The following AKAP6 variants were observed in gnomAD, a reference collection of about 807,000 sequenced individuals.
The protein encoded by AKAP6 is A-kinase anchoring protein 6.
AKAP6 carries 58 observed loss-of-function variants against 188.5 expected under a neutral mutation model. The observed-to-expected ratio is 0.31, with a 90% confidence interval of 0.25 to 0.38. AKAP6 has a LOEUF of 0.38. AKAP6 is among the 10% of genes least tolerant of loss of function. The probability of loss-of-function intolerance (pLI) is 1.00; values close to 1 mark genes in which losing one functional copy is unlikely to be tolerated. For synonymous variants in AKAP6, 989 were observed against 998.6 expected, an observed-to-expected ratio of 0.99 and a Z score of 0.18; for missense variants, 2,710 against 2,740.0, an observed-to-expected ratio of 0.99 and a Z score of 0.24.
At chr14:32,723,394 G>T (rs144418374) in intron 9 of AKAP6, among the ~76,000 whole-genome samples, 1,712 of 152,140 alleles carry the variant, frequency 0.011, 16 homozygotes, top group Non-Finnish European at 0.016. Flanking sequence ...AGCATGTTTT[G>T]TTCCTTTTAG....
chr14:32,470,755 T>A (rs1409611292), intron 2 of AKAP6, among the ~76,000 whole-genome samples: 4 of 152,226 alleles, frequency 2.6e-5, no homozygotes, highest in Admixed American at 2.6e-4. Context: ...GAATTATGAA[T>A]AAATTGGAAA....
At chr14:32,415,509 T>C (rs1230720168) in intron 1 of AKAP6, among the ~76,000 whole-genome samples, 1 of 152,212 alleles carries the variant, frequency 6.6e-6, no homozygotes, top group Non-Finnish European at 1.5e-5. Context: ...TCTTCTACTT[T>C]TAAAAAATTG....
chr14:32,742,270 T>C (rs987319521), intron 11 of AKAP6, among the ~76,000 whole-genome samples: 1 of 151,914 alleles, frequency 6.6e-6, no homozygotes, highest in Non-Finnish European at 1.5e-5. Context: ...CTCTTTTTCT[T>C]AGTCTGCCTG....
In AKAP6 at chr14:32,673,298, T is replaced by C. The variant is rs373041971; in HGVS notation, c.2731-5013T>C. 5.3e-5 allele frequency among the ~76,000 whole-genome samples: 8 copies of C among 152,244 alleles called. No homozygotes were observed. In the East Asian group the frequency reaches 1.5e-3, roughly 29 times the overall value. On this transcript the variant is annotated intron_variant, in intron 7 of 13. Transcript: ENST00000280979. ...TACAATAATTTCACTTGGACACTTG[T>C]AGTTATCTGTTGGCATGGCTCTCTC...
Position 32,835,206 on chromosome 14 carries a change from T to C in AKAP6, c.*5401T>C, listed in dbSNP as rs1313383281. 1 of 152,242 alleles carries C rather than the reference T, an allele frequency of 6.6e-6. No individual in the cohort carries two copies. The highest frequency in any genetic ancestry group is 1.5e-5 in the Non-Finnish European group (1 of 68,042). 9.4% of individuals were successfully genotyped at this position (152,242 alleles called of 1,614,324 possible). A position where few individuals can be genotyped will look rare whatever the true frequency, so the allele number is the denominator to read the frequency against. ...TGATATTCTAAATTCCGACACATTTTCTTAGGATAGATTTCCATTTGCAAA... is the reference window on the plus strand; with the variant it reads ...TGATATTCTAAATTCCGACACATTTCCTTAGGATAGATTTCCATTTGCAAA... On this transcript the variant is annotated 3_prime_UTR_variant, in exon 14 of 14. Transcript: ENST00000280979.
chr14:32,523,080 A>G (rs1881930244), intron 2 of AKAP6, among the ~76,000 whole-genome samples: 2 of 152,126 alleles, frequency 1.3e-5, no homozygotes, highest in South Asian at 2.1e-4. Flanking sequence ...ACCAAGGACA[A>G]AAAACCAAAC....
chr14:32,792,884 A>T (rs540169457), intron 12 of AKAP6, among the ~76,000 whole-genome samples: 1 of 151,816 alleles, frequency 6.6e-6, no homozygotes, highest in African/African-American at 2.4e-5. Flanking sequence ...CATGTGGCTT[A>T]ATAAAAGAAT....
intron 3 of AKAP6, among the ~76,000 whole-genome samples, chr14:32,540,168 C>CTA (rs61668961): frequency 0.019 from 1,140 of 60,794 alleles, 31 homozygotes; most frequent in East Asian, 0.035. Context: ...CTCTCTCTCT[C>CTA]TATATATATA....
chr14:32,350,503 G>A (rs117700301), intron 1 of AKAP6, among the ~76,000 whole-genome samples: 2,559 of 152,238 alleles, frequency 0.017, 28 homozygotes, highest in Non-Finnish European at 0.025. Flanking sequence ...ACAACTAAAT[G>A]TGATGTGGTA....
Position 32,590,236 on chromosome 14 carries a change from C to T in AKAP6, c.2470-9174C>T, listed in dbSNP as rs149274875. 5.7e-3 allele frequency among the ~76,000 whole-genome samples: 861 copies of T among 150,072 alleles called. 4 individuals carry two copies. Among genetic ancestry groups the T allele is most frequent in the Middle Eastern group, 0.01 (3 of 294 alleles). On this transcript the variant is annotated intron_variant, in intron 5 of 13. Transcript: ENST00000280979. ...AGTTGAGATTCTCCCTGCCCACCCT[C>T]CCCTCAGCTGTTCTCTTGATGCTGT...
chr14:32,436,476 CA>C (rs1890381848), intron 2 of AKAP6, among the ~76,000 whole-genome samples: 1 of 152,180 alleles, frequency 6.6e-6, no homozygotes, highest in Non-Finnish European at 1.5e-5. Context: ...AATCCATCTC[CA>C]AAATATGCCC....
At chr14:32,547,526 A>G (rs1304442528) in intron 4 of AKAP6, among the ~76,000 whole-genome samples, 3 of 152,128 alleles carry the variant, frequency 2.0e-5, no homozygotes, top group Non-Finnish European at 2.9e-5. Context: ...GCTAATAACC[A>G]TATTACCTAT....
chr14:32,780,397 AG>A (rs2140016446), intron 12 of AKAP6, among the ~76,000 whole-genome samples: 1 of 152,238 alleles, frequency 6.6e-6, no homozygotes, highest in Admixed American at 6.5e-5. Context: ...GTAGGTCAAA[AG>A]ATATGAAGTT....
Position 32,773,756 on chromosome 14 carries a change from C to T in AKAP6, c.3451C>T (p.Arg1151Trp), listed in dbSNP as rs139746613. ...ACTATGCCAGCATCTTTTGGATGAC[C>T]GGGAGACTTGCAATCTGAATGCAGA... ...LRLCQHLLDD[R>W]ETCNLNADHQ... The change falls in exon 12 of 14, where the codon CGG (arginine) becomes TGG (tryptophan). Residue 1151 changes from arginine (R) to tryptophan (W), a missense_variant. By Grantham distance (101) the Arg-to-Trp change is moderately radical. Coordinates refer to ENST00000280979, the MANE Select transcript of AKAP6 (RefSeq NM_004274.5). 14 of 1,613,988 alleles carry T rather than the reference C, an allele frequency of 8.7e-6. No individual in the cohort carries two copies. Among genetic ancestry groups the T allele is most frequent in the Admixed American group, 6.7e-5 (4 of 59,988 alleles).
At chr14:32,342,147 G>A (rs1886909994) in intron 1 of AKAP6, among the ~76,000 whole-genome samples, 2 of 152,110 alleles carry the variant, frequency 1.3e-5, no homozygotes, top group South Asian at 4.2e-4. Context: ...ATTTCCATGT[G>A]CTGATGACTC....
intron 7 of AKAP6, among the ~76,000 whole-genome samples, chr14:32,638,978 T>C (rs2139482856): frequency 6.6e-6 from 1 of 152,188 alleles, no homozygotes; most frequent in Non-Finnish European, 1.5e-5. Flanking sequence ...TTAGTGGGAA[T>C]TTTGGTTCTG....
intron 2 of AKAP6, among the ~76,000 whole-genome samples, chr14:32,466,322 A>G (rs1476586114): frequency 6.6e-6 from 1 of 152,226 alleles, no homozygotes; most frequent in Non-Finnish European, 1.5e-5. Flanking sequence ...ACTTGGAACC[A>G]ACCCAAATGC....
At chr14:32,640,109 A>ATT (rs11380590) in intron 7 of AKAP6, among the ~76,000 whole-genome samples, 6 of 151,810 alleles carry the variant, frequency 4.0e-5, no homozygotes, top group Non-Finnish European at 7.4e-5. Context: ...AATATTCTTC[A>ATT]TTTTTTTTAT....
chr14:32,402,644 A>G (rs961811669), intron 1 of AKAP6, among the ~76,000 whole-genome samples: 10 of 152,130 alleles, frequency 6.6e-5, no homozygotes, highest in Middle Eastern at 3.4e-3. Flanking sequence ...GGATTATATA[A>G]TATCTTTTCT....
Sources: allele counts gnomAD v4.1 joint callset (sites outside exome capture counted in the v4.1 genomes callset), GRCh38; gene constraint gnomAD v4.1.1; transcripts MANE v1.5; gene names NCBI Gene and HGNC (gene_info 2026-07-23, HGNC 2026-07-21).